Variants in MRTFB observed in about 807,000 individuals in gnomAD.
MRTFB encodes the protein myocardin related transcription factor B.
Under a neutral mutation model 104.2 loss-of-function variants are expected in MRTFB, and 29 were observed. The ratio of observed to expected loss-of-function variants is 0.28; its 90% CI spans 0.21 to 0.38. The LOEUF (loss-of-function observed/expected upper bound fraction) is 0.38. MRTFB is among the 10% of genes least tolerant of loss of function. The probability of loss-of-function intolerance (pLI) is 1.00; values close to 1 mark genes in which losing one functional copy is unlikely to be tolerated. For missense variants in MRTFB, 1,270 were observed against 1,341.6 expected, an observed-to-expected ratio of 0.95 and a Z score of 0.83; for synonymous variants, 535 against 519.5, an observed-to-expected ratio of 1.03 and a Z score of -0.41.
chr16:14,181,298 G>A (rs904143091), intron 3 of MRTFB, among the ~76,000 whole-genome samples: 1 of 152,042 alleles, frequency 6.6e-6, no homozygotes, highest in African/African-American at 2.4e-5. Flanking sequence ...TGTTAAAAGC[G>A]AGAAAAATAT....
At chr16:14,103,126 C>T (rs2142075082) in intron 2 of MRTFB, among the ~76,000 whole-genome samples, 1 of 152,314 alleles carries the variant, frequency 6.6e-6, no homozygotes, top group African/African-American at 2.4e-5. Flanking sequence ...CCTCTGCACA[C>T]CTCCTTGCTT....
chr16:14,158,691 G>GAAGGC (rs1213796328), intron 3 of MRTFB, among the ~76,000 whole-genome samples: 6 of 152,264 alleles, frequency 3.9e-5, no homozygotes, highest in African/African-American at 1.4e-4. Flanking sequence ...GCTAAAAAGA[G>GAAGGC]TTAAGATTTT....
chr16:14,246,081 C>T (rs577716101), intron 11 of MRTFB, among the ~76,000 whole-genome samples: 1 of 152,296 alleles, frequency 6.6e-6, no homozygotes, highest in African/African-American at 2.4e-5. Flanking sequence ...GCCTCCCGAT[C>T]TGTAAAATGG....
At chr16:14,238,870 T>G (rs1191483334) in intron 9 of MRTFB, among the ~76,000 whole-genome samples, 5 of 152,240 alleles carry the variant, frequency 3.3e-5, no homozygotes, top group African/African-American at 7.2e-5. Flanking sequence ...AGGCTCCTAG[T>G]TAATTGGATT....
chr16:14,058,720 T>TG, the MRTFB span, among the ~76,000 whole-genome samples: 1 of 138,278 alleles, frequency 7.2e-6, no homozygotes, highest in African/African-American at 2.7e-5. Context: ...TTGTTTTTTT[T>TG]TTTTTTTTTT....
intron 16 of MRTFB, among the ~76,000 whole-genome samples, chr16:14,259,934 C>T (rs1367813885): frequency 6.6e-6 from 1 of 152,164 alleles, no homozygotes; most frequent in Non-Finnish European, 1.5e-5. Flanking sequence ...CTTCTCTCAG[C>T]CATTTGCACA....
chr16:14,118,006 A>C (rs1473333008), intron 2 of MRTFB, among the ~76,000 whole-genome samples: 2 of 152,252 alleles, frequency 1.3e-5, no homozygotes, highest in African/African-American at 4.8e-5. Flanking sequence ...TCAAATCTTA[A>C]CATTTTGCTA....
chr16:14,239,046 T>TTG (rs1403667187), intron 9 of MRTFB, among the ~76,000 whole-genome samples: 2 of 152,128 alleles, frequency 1.3e-5, no homozygotes, highest in African/African-American at 4.8e-5. Context: ...CAGCACACGT[T>TTG]TGGTTCTCAT....
chr16:14,097,721 A>G (rs1301864907), intron 2 of MRTFB, among the ~76,000 whole-genome samples: 1 of 152,206 alleles, frequency 6.6e-6, no homozygotes, highest in Non-Finnish European at 1.5e-5. Context: ...ATGGCTTTGT[A>G]ATCCTTCCTG....
chr16:14,219,153 G>T (rs2041569288), intron 8 of MRTFB, among the ~76,000 whole-genome samples, 155 bp downstream of exon 8: 1 of 152,010 alleles, frequency 6.6e-6, no homozygotes, highest in African/African-American at 2.4e-5. Context: ...CTCCAGGAAG[G>T]TAATAAAGAT....
At chr16:14,165,254 A>G (rs2039192875) in intron 3 of MRTFB, among the ~76,000 whole-genome samples, 1 of 151,986 alleles carries the variant, frequency 6.6e-6, no homozygotes, top group South Asian at 2.1e-4. Flanking sequence ...ATGATCTGAG[A>G]TGTGACTTCT....
At chr16:14,006,342 CAAAAG>C in the MRTFB span, among the ~76,000 whole-genome samples, 6 of 150,118 alleles carry the variant, frequency 4.0e-5, no homozygotes, top group African/African-American at 1.2e-4. Flanking sequence ...AAACTCGTCT[CAAAAG>C]AAAAAAAAAA....
intron 2 of MRTFB, among the ~76,000 whole-genome samples, chr16:14,133,841 T>C (rs2037566876): frequency 6.6e-6 from 1 of 152,210 alleles, no homozygotes; most frequent in African/African-American, 2.4e-5. Flanking sequence ...CAATTCTTAT[T>C]CTCTGAAATT....
chr16:14,033,250 TA>T, the MRTFB span, among the ~76,000 whole-genome samples: 3 of 150,256 alleles, frequency 2.0e-5, no homozygotes, highest in African/African-American at 4.9e-5. Flanking sequence ...AATTTAAAAT[TA>T]AAAAAAAACA....
intron 3 of MRTFB, among the ~76,000 whole-genome samples, chr16:14,188,232 G>A (rs184092728): frequency 1.3e-5 from 2 of 152,234 alleles, no homozygotes; most frequent in Admixed American, 6.5e-5. Flanking sequence ...GATACCAGTG[G>A]AATTTTTAGG....
chr16:14,045,324 G>A, the MRTFB span, among the ~76,000 whole-genome samples: 4 of 152,012 alleles, frequency 2.6e-5, no homozygotes, highest in East Asian at 7.7e-4. Context: ...CCTAACACTC[G>A]CCTCCTAGGA....
At chr16:14,173,207 T>C (rs1029503135) in intron 3 of MRTFB, among the ~76,000 whole-genome samples, 1 of 152,182 alleles carries the variant, frequency 6.6e-6, no homozygotes, top group Non-Finnish European at 1.5e-5. Flanking sequence ...TGTTTTCATT[T>C]TTTCCATATG....
chr16:14,205,827 G>C (rs1044712736), intron 3 of MRTFB, among the ~76,000 whole-genome samples: 1 of 152,202 alleles, frequency 6.6e-6, no homozygotes, highest in Non-Finnish European at 1.5e-5. Flanking sequence ...CGGAGGCTAT[G>C]ATGTCAACCC....
chr16:14,042,452 T>G, the MRTFB span, among the ~76,000 whole-genome samples: 1 of 152,148 alleles, frequency 6.6e-6, no homozygotes, highest in Non-Finnish European at 1.5e-5. Context: ...TTTTTGATAG[T>G]GGCCATTCAA....
Sources: allele counts gnomAD v4.1 joint callset (sites outside exome capture counted in the v4.1 genomes callset), GRCh38; gene constraint gnomAD v4.1.1; transcripts MANE v1.5; gene names NCBI Gene and HGNC (gene_info 2026-07-23, HGNC 2026-07-21).